CHLSN: variants seen among roughly 807,000 people sequenced by gnomAD.
CHLSN encodes cholesin.
At chr7:1,000,408 C>T in the CHLSN span, 20 of 1,111,940 alleles carry the variant, frequency 1.8e-5, no homozygotes, top group Admixed American at 6.0e-4. Flanking sequence ...GGGGGACGTG[C>T]CTGCCCCGCC....
the CHLSN span, chr7:988,570 C>G: frequency 1.9e-6 from 3 of 1,596,024 alleles, no homozygotes; most frequent in Middle Eastern, 1.7e-4. Context: ...CTGGGGAGGT[C>G]CCCACCCCTC....
the CHLSN span, among the ~76,000 whole-genome samples, chr7:1,009,393 C>G: frequency 4.7e-4 from 71 of 152,296 alleles, no homozygotes; most frequent in Non-Finnish European, 3.7e-4. Context: ...GGCCACAGCC[C>G]GCAAGGCTGT....
At chr7:1,041,691 C>T in the CHLSN span, among the ~76,000 whole-genome samples, 1 of 152,216 alleles carries the variant, frequency 6.6e-6, no homozygotes, top group Non-Finnish European at 1.5e-5. Flanking sequence ...CAAAATATTC[C>T]TTGTCCGTGA....
At chr7:1,087,811 T>C in the CHLSN span, among the ~76,000 whole-genome samples, 1 of 152,260 alleles carries the variant, frequency 6.6e-6, no homozygotes, top group African/African-American at 2.4e-5. Flanking sequence ...AACAAGAATA[T>C]TGCTTGCTTC....
chr7:1,031,992 G>C, the CHLSN span, among the ~76,000 whole-genome samples: 1 of 152,264 alleles, frequency 6.6e-6, no homozygotes, highest in South Asian at 2.1e-4. Context: ...CAGGTAATGA[G>C]AATTCGCCTT....
At chr7:1,035,286 G>A in the CHLSN span, among the ~76,000 whole-genome samples, 1 of 152,214 alleles carries the variant, frequency 6.6e-6, no homozygotes, top group Non-Finnish European at 1.5e-5. Flanking sequence ...CTGGGCTGGT[G>A]TCATGTCTTT....
chr7:1,100,731 C>T, the CHLSN span, among the ~76,000 whole-genome samples: 1 of 152,082 alleles, frequency 6.6e-6, no homozygotes, highest in South Asian at 2.1e-4. Flanking sequence ...GTCCCCTCTG[C>T]CTCCCTGCCT....
At chr7:1,095,668 G>A in the CHLSN span, among the ~76,000 whole-genome samples, 4 of 152,202 alleles carry the variant, frequency 2.6e-5, no homozygotes, top group Non-Finnish European at 5.9e-5. Context: ...CAGCAGCCCC[G>A]TGGGGTAAGC....
the CHLSN span, among the ~76,000 whole-genome samples, chr7:1,126,463 G>C: frequency 6.6e-6 from 1 of 151,554 alleles, no homozygotes; most frequent in South Asian, 2.1e-4. Context: ...TGGATCACTT[G>C]AGGTCGGAAG....
the CHLSN span, among the ~76,000 whole-genome samples, chr7:1,096,387 C>T: frequency 2.6e-5 from 4 of 152,340 alleles, no homozygotes; most frequent in South Asian, 2.1e-4. This position sits in a 1 kb window ranked among gnomAD's most constrained non-coding sequence, Gnocchi z 4.6. Context: ...GAGGTCCCCA[C>T]GCAGTAGAGC....
the CHLSN span, among the ~76,000 whole-genome samples, chr7:989,825 G>GGGGGCGGTGTGGTCGGCAGT: frequency 6.7e-6 from 1 of 148,542 alleles, no homozygotes; most frequent in East Asian, 2.0e-4. Flanking sequence ...CACATGTGCT[G>GGGGGCGGTGTGGTCGGCAGT]GGGGCGGTGT....
the CHLSN span, among the ~76,000 whole-genome samples, chr7:1,114,654 C>T: frequency 1.3e-5 from 2 of 152,250 alleles, no homozygotes; most frequent in Non-Finnish European, 2.9e-5. Flanking sequence ...CTGAGGCCAG[C>T]TCTCCCATGG....
the CHLSN span, among the ~76,000 whole-genome samples, chr7:992,105 AAC>A: frequency 1.3e-5 from 2 of 152,130 alleles, no homozygotes; most frequent in African/African-American, 2.4e-5. Context: ...AGACACCCCG[AAC>A]CCCATGGCTC....
the CHLSN span, among the ~76,000 whole-genome samples, chr7:992,823 T>C: frequency 6.6e-6 from 1 of 152,154 alleles, no homozygotes; most frequent in African/African-American, 2.4e-5. Flanking sequence ...CTTGGACAGC[T>C]CAGCCTAGCG....
At chr7:1,091,342 G>A in the CHLSN span, 1 of 183,398 alleles carries the variant, frequency 5.5e-6, no homozygotes, top group Non-Finnish European at 1.1e-5. Context: ...GGCCAGGGGA[G>A]CCAGGCCTTG....
chr7:1,070,587 GACACGCACAC>G, the CHLSN span, among the ~76,000 whole-genome samples: 1 of 134,204 alleles, frequency 7.5e-6, no homozygotes, highest in Admixed American at 7.4e-5. Flanking sequence ...CGCACACACG[GACACGCACAC>G]ACATGCACAC....
At chr7:1,028,740 C>T in the CHLSN span, 1 of 769,510 alleles carries the variant, frequency 1.3e-6, no homozygotes, top group African/African-American at 2.1e-5. Flanking sequence ...CCCCATAGAC[C>T]CATCTCCCCC....
the CHLSN span, among the ~76,000 whole-genome samples, chr7:1,129,433 C>CCT: frequency 1.6e-5 from 2 of 123,906 alleles, no homozygotes; most frequent in African/African-American, 7.5e-5. Context: ...CTCATCCCAC[C>CCT]GTCACCCGGG....
At chr7:987,401 T>G in the CHLSN span, 1 of 1,595,100 alleles carries the variant, frequency 6.3e-7, no homozygotes, top group Non-Finnish European at 8.5e-7. Context: ...ACTCCCCGGC[T>G]GGAGGACCAG....
Sources: gnomAD v4.1 joint callset for allele counts (sites outside exome capture counted in the v4.1 genomes callset) on GRCh38, gnomAD v4.1.1 for gene constraint, Gnocchi (gnomAD v3.1) non-coding constraint, MANE v1.5 for transcripts, NCBI Gene and HGNC (gene_info 2026-07-23, HGNC 2026-07-21) for gene names.